The following GPHN variants were observed in gnomAD, a reference collection of about 807,000 sequenced individuals.
GPHN encodes gephyrin.
GPHN carries 17 observed loss-of-function variants against 95.5 expected under a neutral mutation model. That is an observed-to-expected ratio of 0.18 (90% CI 0.12 to 0.27). GPHN has a LOEUF of 0.27. Among genes scored for constraint, GPHN ranks in the 10% least tolerant of loss-of-function variants. GPHN has a pLI of 1.00. For missense variants in GPHN, 660 were observed against 978.1 expected (o/e 0.67, Z 4.34); for synonymous variants, 320 against 322.5 (o/e 0.99, Z 0.08).
intron 5 of GPHN, among the ~76,000 whole-genome samples, chr14:66,905,151 C>T (rs2065313625): frequency 6.6e-6 from 1 of 151,976 alleles, no homozygotes; most frequent in Non-Finnish European, 1.5e-5. Context: ...TGTGTATTTT[C>T]AAATAGCCTA....
At chr14:66,839,297 G>A (rs945336358) in intron 4 of GPHN, among the ~76,000 whole-genome samples, 4 of 152,194 alleles carry the variant, frequency 2.6e-5, no homozygotes, top group African/African-American at 7.2e-5. Context: ...GATATACAAA[G>A]AAATAAATTA....
the GPHN span, among the ~76,000 whole-genome samples, chr14:67,485,788 A>C: frequency 2.0e-5 from 3 of 152,352 alleles, no homozygotes; most frequent in African/African-American, 7.2e-5. Context: ...AGGGCTGTGC[A>C]GTTAGGAGCC....
chr14:67,707,341 A>G, the GPHN span, among the ~76,000 whole-genome samples: 48 of 152,320 alleles, frequency 3.2e-4, 1 homozygote, highest in African/African-American at 1.1e-3. Context: ...TTCTCTCTCC[A>G]GTTTCCCATT....
chr14:66,696,899 C>G (rs2068135451), intron 2 of GPHN, among the ~76,000 whole-genome samples: 1 of 152,162 alleles, frequency 6.6e-6, no homozygotes, highest in Non-Finnish European at 1.5e-5. Flanking sequence ...GTAAAATTAA[C>G]CATAAAAGAG....
intron 2 of GPHN, among the ~76,000 whole-genome samples, chr14:66,723,122 A>G (rs2070907241): frequency 6.6e-6 from 1 of 152,120 alleles, no homozygotes; most frequent in African/African-American, 2.4e-5. Context: ...GCACAATCGT[A>G]GATCACTGTA....
intron 1 of GPHN, among the ~76,000 whole-genome samples, chr14:66,536,866 G>T (rs193291310): frequency 2.3e-5 from 3 of 131,778 alleles, no homozygotes; most frequent in Admixed American, 2.2e-4. Context: ...TATAAACTAT[G>T]ACTGTAGTTT....
chr14:66,818,173 G>A (rs939097652), intron 3 of GPHN, among the ~76,000 whole-genome samples: 1 of 151,988 alleles, frequency 6.6e-6, no homozygotes, highest in Non-Finnish European at 1.5e-5. Flanking sequence ...GTAAACATAT[G>A]TCATGAGGGT....
intron 2 of GPHN, among the ~76,000 whole-genome samples, chr14:66,687,152 A>G (rs1292658168): frequency 6.6e-6 from 1 of 152,076 alleles, no homozygotes. Context: ...ACTCCCACAC[A>G]ATAATAATGG....
chr14:66,891,304 T>A (rs532243731), intron 5 of GPHN, among the ~76,000 whole-genome samples: 1 of 151,944 alleles, frequency 6.6e-6, no homozygotes, highest in Non-Finnish European at 1.5e-5. Context: ...CAAAATAAAA[T>A]CAAGAAAATG....
At chr14:67,339,335 C>T in the GPHN span, among the ~76,000 whole-genome samples, 3 of 151,962 alleles carry the variant, frequency 2.0e-5, no homozygotes, top group South Asian at 2.1e-4. Flanking sequence ...AATCCATTCT[C>T]GAATGGAACA....
At chr14:67,206,780 G>T in the GPHN span, among the ~76,000 whole-genome samples, 1 of 152,066 alleles carries the variant, frequency 6.6e-6, no homozygotes, top group African/African-American at 2.4e-5. Context: ...GCCCAGGCTG[G>T]AGTGCAGTGG....
At chr14:67,723,686 G>C in the GPHN span, among the ~76,000 whole-genome samples, 1 of 152,180 alleles carries the variant, frequency 6.6e-6, no homozygotes, top group African/African-American at 2.4e-5. Flanking sequence ...ACTGTAATGT[G>C]GAAATAATAC....
chr14:66,665,018 G>T (rs1409276888), intron 1 of GPHN, among the ~76,000 whole-genome samples: 1 of 146,420 alleles, frequency 6.8e-6, no homozygotes, highest in Non-Finnish European at 1.5e-5. Context: ...AAAAGCCCAG[G>T]ACCAGACGGC....
the GPHN span, among the ~76,000 whole-genome samples, chr14:67,445,734 G>A: frequency 6.6e-6 from 1 of 151,538 alleles, no homozygotes; most frequent in Admixed American, 6.6e-5. Flanking sequence ...ACAGATGAGT[G>A]CCACTACACC....
At chr14:67,155,790 C>T (rs1335452992) in intron 18 of GPHN, among the ~76,000 whole-genome samples, 1 of 151,782 alleles carries the variant, frequency 6.6e-6, no homozygotes, top group East Asian at 1.9e-4. Flanking sequence ...CTACTAATCT[C>T]GAGCCGGATA....
At chr14:67,674,502 GCTGGAGCA>G in the GPHN span, 1 of 1,582,552 alleles carries the variant, frequency 6.3e-7, no homozygotes, top group Non-Finnish European at 8.6e-7. Flanking sequence ...CGCAGGCCGC[GCTGGAGCA>G]GCGGCCACCG....
chr14:67,515,426 C>CGGCGGCGGT, the GPHN span: 1 of 184,852 alleles, frequency 5.4e-6, no homozygotes. Flanking sequence ...GCGGCGGCGG[C>CGGCGGCGGT]GGCGGCGGCG....
intron 17 of GPHN, among the ~76,000 whole-genome samples, chr14:67,126,671 T>A (rs1380335486): frequency 6.6e-6 from 1 of 152,158 alleles, no homozygotes; most frequent in South Asian, 2.1e-4. Context: ...GTTCAACCAT[T>A]GTGGAAGTCA....
chr14:66,844,273 T>C (rs113774275), intron 4 of GPHN, among the ~76,000 whole-genome samples: 1,701 of 152,266 alleles, frequency 0.011, 26 homozygotes, highest in African/African-American at 0.038. Flanking sequence ...TGATATTTTC[T>C]CATTATTGTA....
Sources: allele counts gnomAD v4.1 joint callset (sites outside exome capture counted in the v4.1 genomes callset), GRCh38; gene constraint gnomAD v4.1.1; transcripts MANE v1.5; gene names NCBI Gene and HGNC (gene_info 2026-07-23, HGNC 2026-07-21).